DSCAM: variants seen among roughly 807,000 people sequenced by gnomAD.
DSCAM encodes the protein cell adhesion molecule DSCAM.
DSCAM carries 47 observed loss-of-function variants against 217.7 expected under a neutral mutation model. The observed-to-expected ratio is 0.22, with a 90% confidence interval of 0.17 to 0.28. DSCAM has a LOEUF of 0.28. DSCAM is among the 10% of genes least tolerant of loss of function. The pLI is 1.00. For missense variants in DSCAM, 2,080 were observed against 2,618.3 expected (o/e 0.79, Z 4.49); for synonymous variants, 1,056 against 1,015.3 (o/e 1.04, Z -0.76).
intron 11 of DSCAM, among the ~76,000 whole-genome samples, chr21:40,199,073 G>A (rs8130264): frequency 7.9e-5 from 12 of 152,066 alleles, no homozygotes; most frequent in Non-Finnish European, 1.8e-4. Context: ...TTAGATATGA[G>A]TAACCACAAT....
chr21:40,101,258 G>A (rs1025935626), intron 20 of DSCAM, among the ~76,000 whole-genome samples: 3 of 152,194 alleles, frequency 2.0e-5, no homozygotes, highest in Non-Finnish European at 4.4e-5. Context: ...GTTTAAACAT[G>A]TAGGCTCTAT....
At chr21:40,816,672 A>G (rs770233118) in intron 1 of DSCAM, among the ~76,000 whole-genome samples, 9 of 152,174 alleles carry the variant, frequency 5.9e-5, no homozygotes, top group African/African-American at 2.2e-4. Flanking sequence ...TGCAATAGAG[A>G]TCTTTCACAT....
intron 16 of DSCAM, among the ~76,000 whole-genome samples, chr21:40,156,189 G>A (rs1403508733): frequency 6.6e-6 from 1 of 151,908 alleles, no homozygotes; most frequent in Non-Finnish European, 1.5e-5. Context: ...GAGGCTGAGA[G>A]CCAGTAGCGG....
chr21:40,539,822 T>C (rs1020310441), intron 3 of DSCAM, among the ~76,000 whole-genome samples: 1 of 152,248 alleles, frequency 6.6e-6, no homozygotes, highest in Non-Finnish European at 1.5e-5. Context: ...AGTCTCTATA[T>C]GCAGATAAGA....
intron 4 of DSCAM, among the ~76,000 whole-genome samples, chr21:40,361,078 T>C (rs535585853): frequency 1.4e-3 from 215 of 152,126 alleles, no homozygotes; most frequent in Admixed American, 2.9e-3. Flanking sequence ...CGGCATTGTC[T>C]TTCATTTTCA....
intron 3 of DSCAM, among the ~76,000 whole-genome samples, chr21:40,673,217 C>T (rs1215971203): frequency 6.6e-6 from 1 of 152,140 alleles, no homozygotes; most frequent in Non-Finnish European, 1.5e-5. Flanking sequence ...TCTTTCCTTC[C>T]ACTTCACAGC....
intron 3 of DSCAM, among the ~76,000 whole-genome samples, chr21:40,380,412 A>C (rs1475436762): frequency 2.6e-5 from 4 of 152,362 alleles, no homozygotes; most frequent in South Asian, 4.1e-4. Flanking sequence ...TATTTATACG[A>C]TGAACAAGAT....
At chr21:40,040,363 GA>G (rs1349678278) in intron 32 of DSCAM, among the ~76,000 whole-genome samples, 1 of 152,178 alleles carries the variant, frequency 6.6e-6, no homozygotes, top group Non-Finnish European at 1.5e-5. Flanking sequence ...CCAACAATAT[GA>G]GCAGCGTGCC....
At chr21:40,437,943 T>A (rs1376093801) in intron 3 of DSCAM, among the ~76,000 whole-genome samples, 1 of 152,236 alleles carries the variant, frequency 6.6e-6, no homozygotes, top group Non-Finnish European at 1.5e-5. Flanking sequence ...CTTGCAGCAA[T>A]GTTCATCTCA....
At chr21:40,495,581 C>A (rs979632655) in intron 3 of DSCAM, among the ~76,000 whole-genome samples, 1 of 152,028 alleles carries the variant, frequency 6.6e-6, no homozygotes, top group Non-Finnish European at 1.5e-5. Flanking sequence ...ACATTGTACA[C>A]AATGATGAAA....
intron 3 of DSCAM, among the ~76,000 whole-genome samples, chr21:40,485,254 T>A (rs933069391): frequency 8.7e-5 from 13 of 149,570 alleles, no homozygotes; most frequent in African/African-American, 2.9e-4. Context: ...TTTTTTTTTT[T>A]TTTTGAGACG....
Position 40,012,897 on chromosome 21 carries a change from A to T in DSCAM, c.*137T>A. On this transcript the variant is annotated 3_prime_UTR_variant, in exon 33 of 33. Transcript: ENST00000400454. The stretch of plus-strand genomic sequence containing the variant: ...GAGTCTTTGCACTGTCTGTGGTTTC[A>T]GTATTTTCTCTTTTTTTTTTTTAAT... The T allele has an allele frequency of 1.6e-6, 1 of 614,800 alleles. No homozygotes were observed. Among genetic ancestry groups the T allele is most frequent in the South Asian group, 6.1e-5 (1 of 16,512 alleles). 38.1% of individuals were successfully genotyped at this position (614,800 alleles called of 1,614,324 possible).
intron 3 of DSCAM, among the ~76,000 whole-genome samples, chr21:40,465,409 T>C (rs938576032): frequency 2.0e-5 from 3 of 152,168 alleles, no homozygotes; most frequent in Non-Finnish European, 2.9e-5. Context: ...TAGAACTGCA[T>C]GTGAAAAGGT....
intron 8 of DSCAM, among the ~76,000 whole-genome samples, chr21:40,312,978 G>A (rs1390090241): frequency 6.6e-6 from 1 of 151,948 alleles, no homozygotes; most frequent in Non-Finnish European, 1.5e-5. Flanking sequence ...TTAGCCAGGT[G>A]CGATGGTGTG....
intron 11 of DSCAM, among the ~76,000 whole-genome samples, chr21:40,243,269 A>C (rs1344220353): frequency 6.6e-6 from 1 of 152,230 alleles, no homozygotes; most frequent in East Asian, 1.9e-4. Context: ...AAAAAATAAT[A>C]AAGTGATTTT....
intron 27 of DSCAM, among the ~76,000 whole-genome samples, chr21:40,068,324 GGT>G (rs1326143374): frequency 1.3e-5 from 2 of 152,100 alleles, no homozygotes; most frequent in Non-Finnish European, 2.9e-5. Flanking sequence ...GTAATTGAGA[GGT>G]AGTGTAGCTG....
chr21:40,211,591 T>C (rs1181347374), intron 11 of DSCAM, among the ~76,000 whole-genome samples: 1 of 152,240 alleles, frequency 6.6e-6, no homozygotes, highest in Non-Finnish European at 1.5e-5. Context: ...CATAAATGTG[T>C]AGCCAGGCAT....
chr21:40,050,459 G>A (rs551656602), intron 30 of DSCAM, among the ~76,000 whole-genome samples: 4 of 151,964 alleles, frequency 2.6e-5, no homozygotes, highest in South Asian at 2.1e-4. Flanking sequence ...AGAAGCCAAC[G>A]GCTGAAGAGA....
intron 15 of DSCAM, among the ~76,000 whole-genome samples, chr21:40,172,597 G>A (rs574558272): frequency 6.6e-6 from 1 of 152,268 alleles, no homozygotes; most frequent in South Asian, 2.1e-4. Context: ...AAGCCTCGGT[G>A]CTCCATTCTG....
Sources: allele counts gnomAD v4.1 joint callset (sites outside exome capture counted in the v4.1 genomes callset), GRCh38; gene constraint gnomAD v4.1.1; transcripts MANE v1.5; gene names NCBI Gene and HGNC (gene_info 2026-07-23, HGNC 2026-07-21).